Variants in HDLBP observed in about 807,000 individuals in gnomAD.
HDLBP encodes high density lipoprotein binding protein.
In HDLBP, 30 loss-of-function variants were observed where a neutral mutation model predicts 137.3. The ratio of observed to expected loss-of-function variants is 0.22; its 90% CI spans 0.16 to 0.30. The LOEUF (loss-of-function observed/expected upper bound fraction) is 0.30, where lower values mean the gene tolerates loss of function less well. HDLBP is among the 10% of genes least tolerant of loss of function. HDLBP has a pLI of 1.00. For missense variants in HDLBP, 1,119 were observed against 1,667.3 expected (o/e 0.67, Z 5.73); for synonymous variants, 606 against 596.0 (o/e 1.02, Z -0.24).
rs1474309862 is a variant in HDLBP at position 241,247,134 on chromosome 2, A to G, written c.1740T>C (p.Asn580=). 8.7e-6 allele frequency: 14 copies of G among 1,608,398 alleles called. No individual in the cohort carries two copies. Among genetic ancestry groups the G allele is most frequent in the Non-Finnish European group, 1.2e-5 (14 of 1,174,906 alleles). ...AGATCGGAACAGAAATTGAATAGCT[A>G]TTTTCCACCTTAAAGACAAAAAACA... is the stretch of plus-strand genomic sequence containing the variant. The part of the protein sequence containing the change: ...MQKMVADLVE[N]SYSISVPIFK... The change falls in exon 15 of 28, where the codon AAT becomes AAC. Residue 580 remains asparagine, a synonymous_variant. Coordinates refer to ENST00000310931, the MANE Select transcript of HDLBP (RefSeq NM_005336.6).
intron 22 of HDLBP, 64 bp downstream of exon 22, chr2:241,235,426 T>TG: frequency 6.8e-7 from 1 of 1,463,060 alleles, no homozygotes; most frequent in Non-Finnish European, 9.6e-7. Context: ...GAAAGGACAC[T>TG]GGCACTCGGG....
At chr2:241,313,004 T>C (rs2075798691) in intron 1 of HDLBP, among the ~76,000 whole-genome samples, 1 of 152,212 alleles carries the variant, frequency 6.6e-6, no homozygotes, top group Non-Finnish European at 1.5e-5. Flanking sequence ...TGCTCACGTA[T>C]GCCACCAACT....
chr2:241,259,300 A>G (rs1482781373), intron 5 of HDLBP, among the ~76,000 whole-genome samples: 1 of 152,210 alleles, frequency 6.6e-6, no homozygotes, highest in African/African-American at 2.4e-5. Context: ...GCCGCCTGCA[A>G]AGGTGAGGAG....
chr2:241,287,325 G>A (rs1006223463), intron 1 of HDLBP, among the ~76,000 whole-genome samples: 10 of 151,828 alleles, frequency 6.6e-5, no homozygotes, highest in African/African-American at 1.9e-4. Context: ...TGGCCAGGCT[G>A]GTCTCAAACT....
Position 241,233,420 on chromosome 2 carries a change from C to G in HDLBP, c.3288+400G>C, listed in dbSNP as rs150076533. ...CTGGCAAGCACAACGGTGTTTGCAGCTGGGGCTGCAGAGAAATGTCCACCT... is the reference window on the plus strand; with the variant it reads ...CTGGCAAGCACAACGGTGTTTGCAGGTGGGGCTGCAGAGAAATGTCCACCT... On this transcript the variant is annotated intron_variant, in intron 24 of 27. Transcript: ENST00000310931. This position sits in a 1 kb window ranked among gnomAD's most constrained non-coding sequence, Gnocchi z 4.3. Among the ~76,000 whole-genome samples, 225 of 152,244 alleles carry G rather than the reference C, an allele frequency of 1.5e-3. No individual in the cohort carries two copies. The highest frequency in any genetic ancestry group is 2.4e-3 in the Non-Finnish European group (160 of 68,010).
In HDLBP at chr2:241,238,807, G is replaced by A. The variant is rs778335603; in HGVS notation, c.2611-20C>T. On this transcript the variant is annotated intron_variant, in intron 19 of 27. Transcript: ENST00000310931. This position sits in a 1 kb window ranked among gnomAD's most constrained non-coding sequence, Gnocchi z 4.9. The stretch of plus-strand genomic sequence containing the variant: ...AGCTTCCTGGAGGGAGGTACACAAA[G>A]AAAAAAGAAAAGAGCAAAGATTAAA... 1 of 1,465,016 alleles carries A rather than the reference G, an allele frequency of 6.8e-7. No homozygotes were observed. Among genetic ancestry groups the A allele is most frequent in the Non-Finnish European group, 9.1e-7 (1 of 1,096,566 alleles). 90.8% of individuals were successfully genotyped at this position (1,465,016 alleles called of 1,614,324 possible).
At chr2:241,237,543 A>C (rs1247538830) in intron 20 of HDLBP, among the ~76,000 whole-genome samples, 1 of 152,222 alleles carries the variant, frequency 6.6e-6, no homozygotes, top group Non-Finnish European at 1.5e-5. Flanking sequence ...ATGGGGAAGT[A>C]GGTGTTTCTG....
chr2:241,259,914 G>C (rs949069415), intron 5 of HDLBP, among the ~76,000 whole-genome samples: 4 of 152,216 alleles, frequency 2.6e-5, no homozygotes, highest in Non-Finnish European at 4.4e-5. Flanking sequence ...AGAGTTCAGA[G>C]AGAAACAGCT....
At chr2:241,293,773 T>C (rs1463480330) in intron 1 of HDLBP, among the ~76,000 whole-genome samples, 1 of 141,230 alleles carries the variant, frequency 7.1e-6, no homozygotes, top group African/African-American at 2.7e-5. Context: ...TACAAAAAAT[T>C]AGCCTGGCAT....
Position 241,247,071 on chromosome 2 carries a change from G to A in HDLBP, c.1803C>T (p.Gly601=), listed in dbSNP as rs752392045. The A allele has an allele frequency of 8.1e-6, 13 of 1,610,940 alleles. No homozygotes were observed. The highest frequency in any genetic ancestry group is 3.3e-5 in the South Asian group (3 of 91,026). The change falls in exon 15 of 28, where the codon GGC becomes GGT. Residue 601 remains glycine (G), a synonymous_variant. Coordinates refer to ENST00000310931, the MANE Select transcript of HDLBP (RefSeq NM_005336.6). ...QFHKNIIGKG[G]ANIKKIREES... ...AAGTTATCACCTTTTTAATGTTTGCGCCTCCTTTCCCAATGATATTCTTGT... is the reference window on the plus strand; with the variant it reads ...AAGTTATCACCTTTTTAATGTTTGCACCTCCTTTCCCAATGATATTCTTGT...
Position 241,255,629 on chromosome 2 carries a change from C to T in HDLBP, c.874-49G>A, listed in dbSNP as rs752419359. 7.4e-6 allele frequency: 11 copies of T among 1,484,162 alleles called. No homozygotes were observed. The South Asian group carries it at 7.9e-5, about 11-fold the overall frequency. The allele number at this position is 1,484,162 out of a possible 1,614,324, so 91.9% of individuals were successfully genotyped here. On this transcript the variant is annotated intron_variant, in intron 7 of 27. Coordinates refer to ENST00000310931, the MANE Select transcript of HDLBP (RefSeq NM_005336.6). ...CAGTCAAAGGGAAAGGTGTGGGAAGCGGGCAGGTGGGCATGGCCACTGCTG... is the reference window on the plus strand; with the variant it reads ...CAGTCAAAGGGAAAGGTGTGGGAAGTGGGCAGGTGGGCATGGCCACTGCTG...
At chr2:241,308,900 T>A (rs1054823885) in intron 1 of HDLBP, among the ~76,000 whole-genome samples, 2 of 152,212 alleles carry the variant, frequency 1.3e-5, no homozygotes, top group East Asian at 1.9e-4. Context: ...AAGATCCGAC[T>A]GCTAGGAGCC....
At position 241,242,535 on chromosome 2, in the gene HDLBP, G is replaced by A; in HGVS notation, c.2094C>T (p.Asp698=). The change falls in exon 17 of 28, where the codon GAC becomes GAT. Residue 698 remains aspartate (D), a synonymous_variant. Transcript: ENST00000310931. ...AGGAAGGGCCCCTGATAACAACGGT[G>A]TCGCTTCCTGAACCTTCCACGGGAA... is the stretch of plus-strand genomic sequence containing the variant. ...IHFPVEGSGS[D]TVVIRGPSSD... The A allele has an allele frequency of 6.2e-7, 1 of 1,614,178 alleles. No individual in the cohort carries two copies. The highest frequency in any genetic ancestry group is 1.3e-5 in the African/African-American group (1 of 75,038).
intron 11 of HDLBP, 136 bp downstream of exon 11, chr2:241,252,821 T>G: frequency 1.7e-6 from 1 of 587,154 alleles, no homozygotes; most frequent in Non-Finnish European, 3.1e-6. Flanking sequence ...GGCAGGAGGA[T>G]GTAAAGTCTG....
chr2:241,263,093 G>C (rs764199929), intron 4 of HDLBP, among the ~76,000 whole-genome samples, 167 bp from the exon 5 acceptor site: 1 of 152,244 alleles, frequency 6.6e-6, no homozygotes, highest in South Asian at 2.1e-4. Context: ...CAAGGAGAAA[G>C]GGCCAAGGTC....
intron 1 of HDLBP, among the ~76,000 whole-genome samples, chr2:241,290,197 A>G (rs1317028361): frequency 6.6e-6 from 1 of 152,228 alleles, no homozygotes; most frequent in African/African-American, 2.4e-5. Flanking sequence ...ATGTCTGTTT[A>G]TATTTTCAGA....
At chr2:241,274,396 A>G (rs73116317) in intron 1 of HDLBP, among the ~76,000 whole-genome samples, 4,716 of 152,328 alleles carry the variant, frequency 0.031, 176 homozygotes, top group African/African-American at 0.085. Flanking sequence ...AGATGTGGAA[A>G]TAGGCATTCC....
At chr2:241,242,133 G>T (rs983678147) in intron 17 of HDLBP, among the ~76,000 whole-genome samples, 1 of 152,188 alleles carries the variant, frequency 6.6e-6, no homozygotes, top group Non-Finnish European at 1.5e-5. Flanking sequence ...GAATTTTGAT[G>T]ATTGTGGTCA....
intron 11 of HDLBP, chr2:241,250,970 C>CAT (rs1259318426): frequency 6.6e-6 from 1 of 152,022 alleles, no homozygotes; most frequent in Non-Finnish European, 1.5e-5. Context: ...ACTGTACTTC[C>CAT]ATATATATGT....
Sources: gnomAD v4.1 joint callset for allele counts (sites outside exome capture counted in the v4.1 genomes callset) on GRCh38, gnomAD v4.1.1 for gene constraint, Gnocchi (gnomAD v3.1) non-coding constraint, MANE v1.5 for transcripts, NCBI Gene and HGNC (gene_info 2026-07-23, HGNC 2026-07-21) for gene names.